The following HSD17B12 variants were observed in gnomAD, a reference collection of about 807,000 sequenced individuals.
HSD17B12 encodes the protein very-long-chain 3-oxoacyl-CoA reductase.
In HSD17B12, 32 loss-of-function variants were observed where a neutral mutation model predicts 39.3. The ratio of observed to expected loss-of-function variants is 0.81; its 90% CI spans 0.61 to 1.09. The LOEUF (loss-of-function observed/expected upper bound fraction) is 1.09, where lower values mean the gene tolerates loss of function less well. Ranked by LOEUF, HSD17B12 falls within the 50% of genes least tolerant of loss-of-function variation. The pLI, the probability that HSD17B12 is intolerant of heterozygous loss-of-function variation, is 0.00. For missense variants in HSD17B12, 342 were observed against 382.9 expected, an observed-to-expected ratio of 0.89 and a Z score of 0.89; for synonymous variants, 150 against 146.7, an observed-to-expected ratio of 1.02 and a Z score of -0.16.
At chr11:43,583,674 G>A in the HSD17B12 span, among the ~76,000 whole-genome samples, 1 of 145,680 alleles carries the variant, frequency 6.9e-6, no homozygotes, top group Non-Finnish European at 1.5e-5. Context: ...AGGAAGGAGG[G>A]CAAAGTGGGG....
At chr11:43,711,219 A>G (rs1950062226) in intron 1 of HSD17B12, among the ~76,000 whole-genome samples, 2 of 152,206 alleles carry the variant, frequency 1.3e-5, no homozygotes, top group Admixed American at 1.3e-4. Flanking sequence ...AGCTTGTTTA[A>G]TATTTCAAAA....
chr11:43,588,418 G>T, the HSD17B12 span, among the ~76,000 whole-genome samples: 2 of 152,262 alleles, frequency 1.3e-5, no homozygotes, highest in East Asian at 1.9e-4. Flanking sequence ...GCAGCAAGTT[G>T]TTGCTGCTGA....
At chr11:43,709,676 T>C in intron 1 of HSD17B12, among the ~76,000 whole-genome samples, 1 of 152,160 alleles carries the variant, frequency 6.6e-6, no homozygotes, top group East Asian at 1.9e-4. Flanking sequence ...TTTGAACAGA[T>C]GAAAGAAAAC....
intron 9 of HSD17B12, 119 bp downstream of exon 9, chr11:43,840,183 C>A: frequency 1.4e-6 from 1 of 718,794 alleles, no homozygotes; most frequent in Non-Finnish European, 2.3e-6. Flanking sequence ...GTGACATTAG[C>A]ACACCATTAA....
the HSD17B12 span, chr11:43,569,847 C>T: frequency 9.8e-5 from 15 of 152,744 alleles, no homozygotes; most frequent in African/African-American, 3.1e-4. Flanking sequence ...TCCTTTACCT[C>T]GTGCTTTCTG....
chr11:43,628,247 C>CA, the HSD17B12 span, among the ~76,000 whole-genome samples: 13 of 151,282 alleles, frequency 8.6e-5, no homozygotes, highest in Admixed American at 3.3e-4. Flanking sequence ...AAACAAAAAC[C>CA]AAAAAAAACC....
At chr11:43,695,079 G>C (rs2134791831) in intron 1 of HSD17B12, among the ~76,000 whole-genome samples, 1 of 152,136 alleles carries the variant, frequency 6.6e-6, no homozygotes, top group Non-Finnish European at 1.5e-5. Flanking sequence ...CCAGCCATTT[G>C]GGAGGCCGAG....
intron 1 of HSD17B12, among the ~76,000 whole-genome samples, chr11:43,690,404 A>ATATTTTTTTTTTTT (rs1554959942): frequency 4.4e-4 from 11 of 24,954 alleles, no homozygotes; most frequent in Non-Finnish European, 6.9e-4. Context: ...ATATATATAT[A>ATATTTTTTTTTTTT]TTTTTTTTTT....
chr11:43,577,684 TC>T, the HSD17B12 span, among the ~76,000 whole-genome samples: 3,988 of 152,016 alleles, frequency 0.026, 78 homozygotes, highest in African/African-American at 0.055. Context: ...TTCTTATTAT[TC>T]CCCCCTTTTC....
At chr11:43,778,115 A>G (rs1433674063) in intron 3 of HSD17B12, among the ~76,000 whole-genome samples, 2 of 152,200 alleles carry the variant, frequency 1.3e-5, no homozygotes, top group Non-Finnish European at 2.9e-5. Flanking sequence ...AAAAGAGAGA[A>G]GAATCAAATA....
intron 1 of HSD17B12, among the ~76,000 whole-genome samples, chr11:43,740,165 A>G (rs1950351287): frequency 6.6e-6 from 1 of 152,182 alleles, no homozygotes; most frequent in South Asian, 2.1e-4. Flanking sequence ...TGGCAGAGAA[A>G]AAATGGTGTT....
chr11:43,658,954 T>C, the HSD17B12 span, among the ~76,000 whole-genome samples: 1 of 152,216 alleles, frequency 6.6e-6, no homozygotes, highest in Non-Finnish European at 1.5e-5. Context: ...GCAGAGGTTA[T>C]TGCTGTCTTT....
chr11:43,586,590 C>T, the HSD17B12 span, among the ~76,000 whole-genome samples: 10 of 152,278 alleles, frequency 6.6e-5, no homozygotes, highest in Non-Finnish European at 1.3e-4. Context: ...AAGGAGGTTT[C>T]AAACCCAGTA....
intron 6 of HSD17B12, among the ~76,000 whole-genome samples, chr11:43,828,494 A>G (rs929434591): frequency 6.0e-5 from 9 of 151,196 alleles, no homozygotes. Flanking sequence ...ACACTTTTGG[A>G]AACAGTCCCA....
chr11:43,740,885 A>G (rs1950357887), intron 1 of HSD17B12, among the ~76,000 whole-genome samples: 2 of 152,272 alleles, frequency 1.3e-5, no homozygotes, highest in Non-Finnish European at 2.9e-5. Context: ...AAGAATGGGT[A>G]TTAAGGAAGG....
At chr11:43,595,574 C>A in the HSD17B12 span, among the ~76,000 whole-genome samples, 1 of 152,098 alleles carries the variant, frequency 6.6e-6, no homozygotes, top group Middle Eastern at 3.2e-3. Flanking sequence ...TCATTAGATT[C>A]TATAGGTCTG....
the HSD17B12 span, among the ~76,000 whole-genome samples, chr11:43,577,099 G>T: frequency 2.0e-4 from 30 of 152,330 alleles, no homozygotes; most frequent in Middle Eastern, 6.8e-3. Context: ...TTTTGGTTCC[G>T]GTCCGGGAAC....
At chr11:43,674,500 A>T in the HSD17B12 span, among the ~76,000 whole-genome samples, 29 of 152,220 alleles carry the variant, frequency 1.9e-4, no homozygotes, top group Non-Finnish European at 4.0e-4. Flanking sequence ...TTAAATAACG[A>T]TTATTCTATT....
chr11:43,710,742 C>A (rs1950057392), intron 1 of HSD17B12, among the ~76,000 whole-genome samples: 1 of 151,716 alleles, frequency 6.6e-6, no homozygotes, highest in Non-Finnish European at 1.5e-5. Context: ...GAAAATAAAC[C>A]ATATTTTGCC....
Sources: allele counts gnomAD v4.1 joint callset (sites outside exome capture counted in the v4.1 genomes callset), GRCh38; gene constraint gnomAD v4.1.1; transcripts MANE v1.5; gene names NCBI Gene and HGNC (gene_info 2026-07-23, HGNC 2026-07-21).